Variants in MAGI2 observed in about 807,000 individuals in gnomAD.
MAGI2 encodes the protein membrane associated guanylate kinase, WW and PDZ domain containing 2.
A neutral mutation model predicts 133.3 loss-of-function variants in MAGI2; 35 were observed. The ratio of observed to expected loss-of-function variants is 0.26; its 90% CI spans 0.20 to 0.35. The LOEUF (loss-of-function observed/expected upper bound fraction) is 0.35. Among genes scored for constraint, MAGI2 ranks in the 10% least tolerant of loss-of-function variants. MAGI2 has a pLI of 1.00. For synonymous variants in MAGI2, 729 were observed against 710.6 expected (o/e 1.03, Z -0.41); for missense variants, 1,636 against 1,863.4 (o/e 0.88, Z 2.25).
chr7:78,754,009 A>G (rs1355406350), intron 2 of MAGI2, among the ~76,000 whole-genome samples: 2 of 152,170 alleles, frequency 1.3e-5, no homozygotes, highest in Non-Finnish European at 2.9e-5. Flanking sequence ...AAAATATGGT[A>G]AAGGAATTTC....
At chr7:78,624,217 A>T (rs1262887124) in intron 3 of MAGI2, among the ~76,000 whole-genome samples, 1 of 152,032 alleles carries the variant, frequency 6.6e-6, no homozygotes, top group Non-Finnish European at 1.5e-5. Context: ...ACTCAATATT[A>T]GATCTTTGTC....
At chr7:78,820,755 T>C (rs1474605793) in intron 2 of MAGI2, among the ~76,000 whole-genome samples, 1 of 151,954 alleles carries the variant, frequency 6.6e-6, no homozygotes, top group Non-Finnish European at 1.5e-5. Context: ...GTCAAAGAAA[T>C]ATTGATGACT....
At position 78,627,114 on chromosome 7, in the gene MAGI2, G is replaced by C; in HGVS notation, c.538+6C>G. 5 of 1,577,890 alleles carry C rather than the reference G, an allele frequency of 3.2e-6. No individual in the cohort carries two copies. Among genetic ancestry groups the C allele is most frequent in the Non-Finnish European group, 2.6e-6 (3 of 1,164,462 alleles). ...AAGAAAGATTTCTCAGGAACGTTGT[G>C]CTTACCTTCATAAGTCCCACTTTCT... On this transcript the variant is annotated splice_donor_region_variant and intron_variant, in intron 3 of 21. Transcript: ENST00000354212.
chr7:78,887,356 C>G (rs377635694), intron 2 of MAGI2, among the ~76,000 whole-genome samples: 1 of 152,282 alleles, frequency 6.6e-6, no homozygotes, highest in East Asian at 1.9e-4. Flanking sequence ...TTCAAGTTCA[C>G]CAGAGAACTT....
intron 2 of MAGI2, among the ~76,000 whole-genome samples, chr7:78,968,870 C>A (rs529299149): frequency 1.3e-5 from 2 of 152,118 alleles, no homozygotes; most frequent in Admixed American, 6.5e-5. Flanking sequence ...AATTCAGCTG[C>A]TAATACAGGA....
chr7:79,240,529 A>G (rs1303693053), intron 1 of MAGI2, among the ~76,000 whole-genome samples: 1 of 152,062 alleles, frequency 6.6e-6, no homozygotes, highest in East Asian at 1.9e-4. Flanking sequence ...AAAATGTGCA[A>G]TTTATCATTA....
intron 1 of MAGI2, among the ~76,000 whole-genome samples, chr7:79,042,287 T>C (rs1164477196): frequency 6.6e-6 from 1 of 152,200 alleles, no homozygotes; most frequent in East Asian, 1.9e-4. Flanking sequence ...GTGATACATT[T>C]CTGTGTCTTT....
intron 1 of MAGI2, among the ~76,000 whole-genome samples, chr7:79,109,912 C>G (rs77853855): frequency 6.6e-6 from 1 of 151,828 alleles, no homozygotes; most frequent in African/African-American, 2.4e-5. Flanking sequence ...AGGTCCAGGA[C>G]GATTGATTGG....
chr7:78,114,043 G>A (rs1289270846), intron 20 of MAGI2, among the ~76,000 whole-genome samples: 1 of 152,218 alleles, frequency 6.6e-6, no homozygotes, highest in Non-Finnish European at 1.5e-5. Flanking sequence ...GCCCCTGACA[G>A]GGTAACTTGT....
intron 2 of MAGI2, 150 bp from the exon 3 acceptor site, chr7:78,627,389 A>G (rs1366778841): frequency 3.3e-6 from 2 of 602,168 alleles, no homozygotes. Context: ...TTTGTTTGGC[A>G]ACAGAAAACA....
At chr7:79,204,056 G>C (rs1043018915) in intron 1 of MAGI2, among the ~76,000 whole-genome samples, 1 of 152,000 alleles carries the variant, frequency 6.6e-6, no homozygotes, top group Admixed American at 6.5e-5. Flanking sequence ...CCCAACCCAA[G>C]GTGCCACAGC....
chr7:78,232,619 G>T lies in MAGI2; in HGVS notation c.2047+23324C>A, dbSNP rs147099346. Among the ~76,000 whole-genome samples the T allele has an allele frequency of 3.0e-3, 458 of 152,164 alleles. 3 individuals carry two copies. Among genetic ancestry groups the T allele is most frequent in the African/African-American group, 0.011 (436 of 41,508 alleles). On this transcript the variant is annotated intron_variant, in intron 10 of 21. Coordinates refer to ENST00000354212, the MANE Select transcript of MAGI2 (RefSeq NM_012301.4). ...CCAGAAAGCACAATGTGTCTTTCTG[G>T]GATTTTCCTGAGAAATTCTGAAGAA...
intron 1 of MAGI2, among the ~76,000 whole-genome samples, chr7:79,019,958 A>G (rs1324078632): frequency 6.6e-6 from 1 of 152,214 alleles, no homozygotes; most frequent in African/African-American, 2.4e-5. Flanking sequence ...AAATTTGGAA[A>G]TGGGTAAAAG....
chr7:79,255,780 G>A (rs1261261212), intron 1 of MAGI2, among the ~76,000 whole-genome samples: 1 of 151,732 alleles, frequency 6.6e-6, no homozygotes. Context: ...CAATAATAAA[G>A]GTTATAATTT....
At chr7:79,341,043 T>C (rs1248539326) in intron 1 of MAGI2, among the ~76,000 whole-genome samples, 1 of 152,170 alleles carries the variant, frequency 6.6e-6, no homozygotes, top group Non-Finnish European at 1.5e-5. Flanking sequence ...TGACCATTTG[T>C]CTGCATCTGA....
intron 1 of MAGI2, among the ~76,000 whole-genome samples, chr7:79,156,957 G>C (rs1376805221): frequency 6.6e-6 from 1 of 152,146 alleles, no homozygotes; most frequent in East Asian, 1.9e-4. Context: ...TTCTCTTCTG[G>C]TAGAACTGCT....
chr7:78,696,911 C>A (rs1417326773), intron 2 of MAGI2, among the ~76,000 whole-genome samples: 2 of 152,132 alleles, frequency 1.3e-5, no homozygotes, highest in African/African-American at 4.8e-5. Context: ...GAGAACACTC[C>A]AGTTCTAGAG....
intron 6 of MAGI2, among the ~76,000 whole-genome samples, chr7:78,432,836 A>G (rs1486970511): frequency 6.6e-6 from 1 of 152,096 alleles, no homozygotes; most frequent in Non-Finnish European, 1.5e-5. Flanking sequence ...ATATGCATAT[A>G]TAAAGCACTC....
chr7:78,779,466 A>G (rs1442289710), intron 2 of MAGI2, among the ~76,000 whole-genome samples: 1 of 152,242 alleles, frequency 6.6e-6, no homozygotes, highest in African/African-American at 2.4e-5. Context: ...GAAGGGAAAG[A>G]TGAAGAGAGA....
Sources: allele counts gnomAD v4.1 joint callset (sites outside exome capture counted in the v4.1 genomes callset), GRCh38; gene constraint gnomAD v4.1.1; transcripts MANE v1.5; gene names NCBI Gene and HGNC (gene_info 2026-07-23, HGNC 2026-07-21).